The following KCNMB2 variants were observed in gnomAD, a reference collection of about 807,000 sequenced individuals.
KCNMB2 encodes the protein calcium-activated potassium channel subunit beta-2.
Under a neutral mutation model 24.5 loss-of-function variants are expected in KCNMB2, and 9 were observed. The observed-to-expected ratio is 0.37, with a 90% CI of 0.22 to 0.64. KCNMB2 has a LOEUF of 0.64. KCNMB2 is among the 30% of genes least tolerant of loss of function. The probability of loss-of-function intolerance (pLI) is 0.63; values close to 1 mark genes in which losing one functional copy is unlikely to be tolerated. For missense variants in KCNMB2, 226 were observed against 284.3 expected, an observed-to-expected ratio of 0.79 and a Z score of 1.47; for synonymous variants, 109 against 104.4, an observed-to-expected ratio of 1.04 and a Z score of -0.27.
At chr3:178,595,888 G>T (rs185681163) in intron 1 of KCNMB2, among the ~76,000 whole-genome samples, 1 of 152,170 alleles carries the variant, frequency 6.6e-6, no homozygotes, top group Non-Finnish European at 1.5e-5. Flanking sequence ...GGAAATAAAT[G>T]GTCTTTACTG....
intron 1 of KCNMB2, among the ~76,000 whole-genome samples, chr3:178,581,906 G>C (rs1000515404): frequency 6.6e-6 from 1 of 151,944 alleles, no homozygotes; most frequent in Non-Finnish European, 1.5e-5. Context: ...GGAATACACT[G>C]TTGGTAGGAG....
At chr3:178,726,699 T>C (rs1490787299) in intron 1 of KCNMB2, among the ~76,000 whole-genome samples, 1 of 152,012 alleles carries the variant, frequency 6.6e-6, no homozygotes, top group African/African-American at 2.4e-5. Flanking sequence ...TGAAATAAAA[T>C]AGACATTCAA....
At chr3:178,793,792 C>T (rs895430925) in intron 1 of KCNMB2, among the ~76,000 whole-genome samples, 12 of 152,122 alleles carry the variant, frequency 7.9e-5, no homozygotes, top group Non-Finnish European at 1.8e-4. Flanking sequence ...TCTTCCCATG[C>T]AGATGACAGC....
chr3:178,827,339 C>A (rs943258674), intron 3 of KCNMB2, among the ~76,000 whole-genome samples: 3 of 152,150 alleles, frequency 2.0e-5, no homozygotes, highest in Non-Finnish European at 2.9e-5. Context: ...AAAAGGGTTT[C>A]TTTTCCATTG....
intron 1 of KCNMB2, among the ~76,000 whole-genome samples, chr3:178,584,166 T>G (rs1560118792): frequency 6.6e-6 from 1 of 152,252 alleles, no homozygotes; most frequent in Non-Finnish European, 1.5e-5. Flanking sequence ...GGATAGCTCA[T>G]GCATCTGGGT....
At chr3:178,719,553 C>CT (rs1330131470) in intron 1 of KCNMB2, among the ~76,000 whole-genome samples, 9 of 152,070 alleles carry the variant, frequency 5.9e-5, no homozygotes, top group African/African-American at 2.2e-4. Flanking sequence ...CTTTTTCTTT[C>CT]TTTTTTTGCT....
chr3:178,621,732 A>C (rs1444916952), intron 1 of KCNMB2, among the ~76,000 whole-genome samples: 1 of 146,768 alleles, frequency 6.8e-6, no homozygotes, highest in Non-Finnish European at 1.5e-5. Context: ...TTTATCCAAA[A>C]TAAAAAATAA....
chr3:178,665,261 T>A (rs1720678463), intron 1 of KCNMB2, among the ~76,000 whole-genome samples: 1 of 152,168 alleles, frequency 6.6e-6, no homozygotes, highest in Non-Finnish European at 1.5e-5. Flanking sequence ...TAAAAGAGTT[T>A]ATTAACAAGA....
At chr3:178,711,156 G>A (rs1316254670) in intron 1 of KCNMB2, among the ~76,000 whole-genome samples, 2 of 152,190 alleles carry the variant, frequency 1.3e-5, no homozygotes, top group African/African-American at 4.8e-5. Flanking sequence ...AAAAAGTGAT[G>A]AGAAAATGGC....
chr3:178,613,616 T>TAA (rs1450372917), intron 1 of KCNMB2, among the ~76,000 whole-genome samples: 8 of 152,146 alleles, frequency 5.3e-5, no homozygotes, highest in Non-Finnish European at 1.0e-4. Context: ...TACTCAAGGG[T>TAA]AAAGTTCAGC....
chr3:178,758,632 C>CTCTCTCTCCAAGAGGATATATATATA (rs1183987213), intron 1 of KCNMB2, among the ~76,000 whole-genome samples: 1 of 6,068 alleles, frequency 1.6e-4, no homozygotes, highest in Non-Finnish European at 2.7e-4. Context: ...ATATATATAT[C>CTCTCTCTCCAAGAGGATATATATATA]TCTCTCTCCA....
intron 4 of KCNMB2, among the ~76,000 whole-genome samples, chr3:178,837,092 T>C (rs1715261666): frequency 6.6e-6 from 1 of 152,102 alleles, no homozygotes; most frequent in African/African-American, 2.4e-5. Flanking sequence ...GCAAATCTCC[T>C]AAGACAAAAA....
Position 178,843,252 on chromosome 3 carries a change from G to C in KCNMB2, c.*315G>C. The C allele has an allele frequency of 2.1e-6, 1 of 485,550 alleles. No homozygotes were observed. The highest frequency in any genetic ancestry group is 4.1e-6 in the Non-Finnish European group (1 of 246,524). 30.1% of individuals were successfully genotyped at this position (485,550 alleles called of 1,614,324 possible). A position where few individuals can be genotyped will look rare whatever the true frequency, so the allele number is the denominator to read the frequency against. On this transcript the variant is annotated 3_prime_UTR_variant, in exon 5 of 5. Coordinates refer to ENST00000452583, the MANE Select transcript of KCNMB2 (RefSeq NM_181361.3). ...TGCCAAGCTTCGTGGAGGAATGTAG[G>C]TGACATCAATGTGATAAAGTCTGTG... is the stretch of plus-strand genomic sequence containing the variant.
At chr3:178,776,526 T>C (rs866983042) in intron 1 of KCNMB2, among the ~76,000 whole-genome samples, 4 of 152,324 alleles carry the variant, frequency 2.6e-5, no homozygotes, top group African/African-American at 9.6e-5. Flanking sequence ...CTTAAAAGCA[T>C]GTGATGAAGT....
At chr3:178,767,254 G>A (rs1161099854) in intron 1 of KCNMB2, among the ~76,000 whole-genome samples, 1 of 152,294 alleles carries the variant, frequency 6.6e-6, no homozygotes, top group African/African-American at 2.4e-5. Flanking sequence ...ATCAAAATAG[G>A]TAGATCTTGA....
At chr3:178,684,598 C>T (rs1721393337) in intron 1 of KCNMB2, among the ~76,000 whole-genome samples, 2 of 152,052 alleles carry the variant, frequency 1.3e-5, no homozygotes, top group African/African-American at 4.8e-5. Flanking sequence ...GAGTCCGAGG[C>T]GGGCAGATCA....
chr3:178,692,557 T>C (rs1184018815), intron 1 of KCNMB2, among the ~76,000 whole-genome samples: 1 of 152,196 alleles, frequency 6.6e-6, no homozygotes, highest in East Asian at 1.9e-4. Flanking sequence ...TAGTTGTAGG[T>C]GTGCAGCCTT....
chr3:178,642,057 C>T (rs765242374), intron 1 of KCNMB2, among the ~76,000 whole-genome samples: 1 of 152,036 alleles, frequency 6.6e-6, no homozygotes, highest in Non-Finnish European at 1.5e-5. Context: ...TAAATTACTG[C>T]AATCATGTGT....
chr3:178,628,800 A>G (rs1719209206), intron 1 of KCNMB2, among the ~76,000 whole-genome samples: 1 of 152,192 alleles, frequency 6.6e-6, no homozygotes, highest in African/African-American at 2.4e-5. Context: ...AGTCTTTTAA[A>G]GAATTCTGGC....
Sources: allele counts gnomAD v4.1 joint callset (sites outside exome capture counted in the v4.1 genomes callset), GRCh38; gene constraint gnomAD v4.1.1; transcripts MANE v1.5; gene names NCBI Gene and HGNC (gene_info 2026-07-23, HGNC 2026-07-21).